ATIC: variants seen among roughly 807,000 people sequenced by gnomAD.
The protein encoded by ATIC is bifunctional purine biosynthesis protein ATIC.
Under a neutral mutation model 72.5 loss-of-function variants are expected in ATIC, and 64 were observed. That is an observed-to-expected ratio of 0.88 (90% CI 0.72 to 1.09). ATIC has a LOEUF of 1.09. ATIC is among the 50% of genes least tolerant of loss of function. The probability of loss-of-function intolerance (pLI) is 0.00; values close to 1 mark genes in which losing one functional copy is unlikely to be tolerated. For synonymous variants in ATIC, 281 were observed against 267.1 expected, an observed-to-expected ratio of 1.05 and a Z score of -0.51; for missense variants, 787 against 732.4, an observed-to-expected ratio of 1.07 and a Z score of -0.86.
intron 9 of ATIC, among the ~76,000 whole-genome samples, chr2:215,334,118 C>T (rs1321943396): frequency 6.7e-6 from 1 of 149,614 alleles, no homozygotes; most frequent in Non-Finnish European, 1.5e-5. Context: ...TGTAATTTTG[C>T]TAATTTAGGC....
intron 2 of ATIC, among the ~76,000 whole-genome samples, chr2:215,315,658 G>A (rs531752914): frequency 9.2e-5 from 14 of 152,292 alleles, no homozygotes; most frequent in African/African-American, 3.1e-4. Flanking sequence ...CCTGGACAAG[G>A]TCTTGGTTCT....
At chr2:215,335,209 T>A (rs965226125) in intron 10 of ATIC, among the ~76,000 whole-genome samples, 1 of 152,216 alleles carries the variant, frequency 6.6e-6, no homozygotes, top group African/African-American at 2.4e-5. Context: ...TTCAGATGGA[T>A]ATTTGGCTGT....
the ATIC span, among the ~76,000 whole-genome samples, chr2:215,366,908 T>C: frequency 6.6e-6 from 1 of 152,254 alleles, no homozygotes; most frequent in Non-Finnish European, 1.5e-5. Context: ...CAGCATGTGA[T>C]GTTTTTAGTG....
Position 215,318,156 on chromosome 2 carries a change from G to A in ATIC, c.147-1G>A. On this transcript the variant is annotated splice_acceptor_variant, in intron 2 of 15. Coordinates refer to ENST00000236959, the MANE Select transcript of ATIC (RefSeq NM_004044.7). LOFTEE classifies it high-confidence loss of function. ...TACCATTCTGTTTATCTGTTTTTCA[G>A]AGATGTCTCTGAGTTGACGGGATTT... is the stretch of plus-strand genomic sequence containing the variant. 7 of 1,613,830 alleles carry A rather than the reference G, an allele frequency of 4.3e-6. No individual in the cohort carries two copies. Among genetic ancestry groups the A allele is most frequent in the Non-Finnish European group, 5.9e-6 (7 of 1,179,728 alleles).
intron 14 of ATIC, chr2:215,347,388 A>G (rs918522746): frequency 8.0e-6 from 3 of 373,624 alleles, no homozygotes; most frequent in Non-Finnish European, 1.6e-5. Context: ...TACATGTGCC[A>G]TTAATAACTT....
At chr2:215,350,625 G>A (rs1284200332), downstream of ATIC, among the ~76,000 whole-genome samples, 2 of 152,170 alleles carry the variant, frequency 1.3e-5, no homozygotes, top group East Asian at 3.9e-4. Context: ...TCAGCAGCCC[G>A]AGATTCACCC....
At chr2:215,313,272 G>A (rs920031676) in intron 2 of ATIC, among the ~76,000 whole-genome samples, 1 of 152,198 alleles carries the variant, frequency 6.6e-6, no homozygotes, top group African/African-American at 2.4e-5. Flanking sequence ...TACTTTGACT[G>A]GTGATTTAAT....
At chr2:215,316,865 C>T (rs987529535) in intron 2 of ATIC, among the ~76,000 whole-genome samples, 19 of 152,084 alleles carry the variant, frequency 1.2e-4, no homozygotes, top group Non-Finnish European at 2.2e-4. Context: ...CGGGTTCAAG[C>T]GATTCTCCTG....
At chr2:215,361,956 C>G in the ATIC span, 1 of 1,611,654 alleles carries the variant, frequency 6.2e-7, no homozygotes, top group Non-Finnish European at 8.5e-7. Context: ...ACTTGTGCTG[C>G]TAATGCACTT....
intron 12 of ATIC, among the ~76,000 whole-genome samples, chr2:215,340,110 C>T (rs939466121): frequency 6.6e-6 from 1 of 152,154 alleles, no homozygotes; most frequent in Non-Finnish European, 1.5e-5. Flanking sequence ...CTTACATTTT[C>T]AGTGCTATGA....
the ATIC span, chr2:215,361,729 T>C: frequency 9.7e-7 from 1 of 1,028,104 alleles, no homozygotes; most frequent in South Asian, 1.3e-5. Flanking sequence ...TGCTTATAGA[T>C]AGGATAATAT....
At chr2:215,354,373 T>G (rs2053151893), downstream of ATIC, among the ~76,000 whole-genome samples, 1 of 152,146 alleles carries the variant, frequency 6.6e-6, no homozygotes, top group African/African-American at 2.4e-5. Context: ...TTCTATAATG[T>G]GTTTAGGTGT....
At chr2:215,312,210 C>T (rs1157620717) in intron 1 of ATIC, 49 bp downstream of exon 1, 13 of 1,478,934 alleles carry the variant, frequency 8.8e-6, no homozygotes, top group Non-Finnish European at 1.2e-5. Context: ...CTGCGGCCCC[C>T]CACGCTCCCG....
At chr2:215,324,556 A>G (rs533417659) in intron 4 of ATIC, among the ~76,000 whole-genome samples, 1 of 152,142 alleles carries the variant, frequency 6.6e-6, no homozygotes, top group Admixed American at 6.5e-5. Flanking sequence ...TTCCCCTCCA[A>G]TTCTGTTCTT....
chr2:215,356,887 ATGAACATCTGTGTGCAAGTTTTTGTG>A, the ATIC span, among the ~76,000 whole-genome samples: 1 of 152,216 alleles, frequency 6.6e-6, no homozygotes, highest in Non-Finnish European at 1.5e-5. Context: ...TGATGCTGCT[ATGAACATCTGTGTGCAAGTTTTTGTG>A]TGAACATATG....
chr2:215,353,661 A>C (rs1575129451), downstream of ATIC, among the ~76,000 whole-genome samples: 1 of 152,062 alleles, frequency 6.6e-6, no homozygotes, highest in East Asian at 1.9e-4. Context: ...TCCCAGGTTC[A>C]ATTGATTCTC....
chr2:215,335,900 C>A, intron 10 of ATIC, 135 bp from the exon 11 acceptor site: 1 of 683,976 alleles, frequency 1.5e-6, no homozygotes, highest in South Asian at 1.8e-5. Context: ...TCAAGTATAG[C>A]GTTAGCATTG....
chr2:215,332,729 G>C (rs1199524752), intron 8 of ATIC, among the ~76,000 whole-genome samples: 1 of 152,048 alleles, frequency 6.6e-6, no homozygotes, highest in Non-Finnish European at 1.5e-5. Flanking sequence ...TTGTTTGTGG[G>C]GTGGAACCAT....
chr2:215,312,688 C>T, intron 2 of ATIC, 64 bp downstream of exon 2: 2 of 1,611,076 alleles, frequency 1.2e-6, no homozygotes, highest in Non-Finnish European at 1.7e-6. Context: ...TATTGTATTC[C>T]AGGCACCAGC....
Sources: gnomAD v4.1 joint callset for allele counts (sites outside exome capture counted in the v4.1 genomes callset) on GRCh38, gnomAD v4.1.1 for gene constraint, MANE v1.5 for transcripts, NCBI Gene and HGNC (gene_info 2026-07-23, HGNC 2026-07-21) for gene names.